The following DAG1 variants were observed in gnomAD, a reference collection of about 807,000 sequenced individuals.
The protein encoded by DAG1 is dystroglycan 1, also known as dystroglycan 1 (dystrophin-associated glycoprotein 1).
In DAG1, 8 loss-of-function variants were observed where a neutral mutation model predicts 46.1. The ratio of observed to expected loss-of-function variants is 0.17; its 90% CI spans 0.10 to 0.31. DAG1 has a LOEUF of 0.31. DAG1 is among the 10% of genes least tolerant of loss of function. The pLI, the probability that DAG1 is intolerant of heterozygous loss-of-function variation, is 1.00. For missense variants in DAG1, 1,003 were observed against 1,189.9 expected, an observed-to-expected ratio of 0.84 and a Z score of 2.31; for synonymous variants, 495 against 481.8, an observed-to-expected ratio of 1.03 and a Z score of -0.36.
In DAG1 at chr3:49,531,338, G is replaced by T. The variant is rs1261553141; in HGVS notation, c.827G>T (p.Gly276Val). Residue 276 changes from glycine (G) to valine (V), a missense_variant, in exon 3 of 3, where the codon GGT becomes GTT. Transcript: ENST00000308775. The surrounding 1 kb of genome is among the most constrained non-coding windows in gnomAD (Gnocchi z 7.0). ...LNQNSVPDIH[G>V]VEAPAREGAM... The stretch of plus-strand genomic sequence containing the variant: ...CAGAACAGTGTGCCTGACATTCATG[G>T]TGTAGAGGCCCCTGCCAGGGAGGGC... The T allele has an allele frequency of 3.7e-6, 6 of 1,614,060 alleles. No individual in the cohort carries two copies. The highest frequency in any genetic ancestry group is 1.6e-4 in the Middle Eastern group (1 of 6,084).
At position 49,510,845 on chromosome 3, in the gene DAG1, G is replaced by T. The variant is rs377157269; in HGVS notation, c.285+26G>T. ...GTGAGACTGGATATAAAGCATAAAT[G>T]AGGAAGAGTTCTCATTTTCCATTTT... is the stretch of plus-strand genomic sequence containing the variant. On this transcript the variant is annotated intron_variant, in intron 2 of 2. Transcript: ENST00000308775. 8.7e-6 allele frequency: 14 copies of T among 1,613,182 alleles called. No homozygotes were observed. In the African/African-American group the frequency reaches 1.9e-4, roughly 22 times the overall value.
chr3:49,532,604 C>T lies in DAG1; in HGVS notation c.2093C>T (p.Pro698Leu). 6.2e-7 allele frequency: 1 copy of T among 1,613,012 alleles called. No homozygotes were observed. Among genetic ancestry groups the T allele is most frequent in the East Asian group, 2.2e-5 (1 of 44,866 alleles). The change falls in exon 3 of 3, where the codon CCT (proline) becomes CTT (leucine). Residue 698 changes from proline (P) to leucine (L), a missense_variant. Physicochemically the swap from Pro to Leu is moderately conservative, Grantham distance 98. Coordinates refer to ENST00000308775, the MANE Select transcript of DAG1 (RefSeq NM_004393.6). The surrounding 1 kb of genome is among the most constrained non-coding windows in gnomAD (Gnocchi z 5.4). ...PRPAFSNALE[P>L]DFKATSITVT... ...CCTGCCTTCTCCAACGCCCTAGAGC[C>T]TGACTTTAAGGCCACAAGCATCACT...
At chr3:49,489,218 G>A (rs765778618) in intron 1 of DAG1, among the ~76,000 whole-genome samples, 1 of 151,724 alleles carries the variant, frequency 6.6e-6, no homozygotes, top group Non-Finnish European at 1.5e-5. Flanking sequence ...TCAGCCTCCC[G>A]AATAGCTGGG....
Position 49,497,919 on chromosome 3 carries a change from C to T in DAG1, c.-116-12500C>T, listed in dbSNP as rs2050357154. On this transcript the variant is annotated intron_variant, in intron 1 of 2. Coordinates refer to ENST00000308775, the MANE Select transcript of DAG1 (RefSeq NM_004393.6). ...GGTGGATTTATACCTAGGTTTTAAACCTTTGCTTCTGTCTTTGTTGGAAAA... is the reference window on the plus strand; with the variant it reads ...GGTGGATTTATACCTAGGTTTTAAATCTTTGCTTCTGTCTTTGTTGGAAAA... 2.6e-5 allele frequency among the ~76,000 whole-genome samples: 4 copies of T among 152,142 alleles called. No homozygotes were observed. In the South Asian group the frequency reaches 8.3e-4, roughly 31 times the overall value.
chr3:49,471,603 G>C (rs571234936), intron 1 of DAG1, among the ~76,000 whole-genome samples: 1 of 152,306 alleles, frequency 6.6e-6, no homozygotes, highest in Admixed American at 6.5e-5. Context: ...GGAGAAATCA[G>C]ATTTCAGTAG....
chr3:49,473,643 C>T (rs1202329761), intron 1 of DAG1, among the ~76,000 whole-genome samples: 7 of 150,674 alleles, frequency 4.6e-5, no homozygotes, highest in Non-Finnish European at 1.0e-4. Flanking sequence ...AATAAAGTGG[C>T]GTGATCTTGG....
intron 2 of DAG1, among the ~76,000 whole-genome samples, chr3:49,522,975 G>A (rs1273859885): frequency 6.6e-6 from 1 of 152,188 alleles, no homozygotes; most frequent in South Asian, 2.1e-4. Flanking sequence ...TTGGTGTTTG[G>A]TGTTGGCTGG....
chr3:49,485,287 T>G lies in DAG1; in HGVS notation c.-117+14854T>G, dbSNP rs565926565. ...ACCGCACCCGGCCAAGGACGGAGTG[T>G]TGTTCTGTCGCCCAGGCTGGAGTGC... On this transcript the variant is annotated intron_variant, in intron 1 of 2. Coordinates refer to ENST00000308775, the MANE Select transcript of DAG1 (RefSeq NM_004393.6). Among the ~76,000 whole-genome samples the G allele has an allele frequency of 2.0e-5, 3 of 152,278 alleles. No homozygotes were observed. The South Asian group carries it at 6.2e-4, about 32-fold the overall frequency.
intron 2 of DAG1, among the ~76,000 whole-genome samples, chr3:49,514,961 G>T (rs765933081): frequency 1.3e-5 from 2 of 150,908 alleles, no homozygotes; most frequent in Non-Finnish European, 3.0e-5. Flanking sequence ...CTGGGTTCAG[G>T]CTATTCTTCT....
At chr3:49,485,835 T>C (rs1035983542) in intron 1 of DAG1, among the ~76,000 whole-genome samples, 1 of 152,008 alleles carries the variant, frequency 6.6e-6, no homozygotes, top group Non-Finnish European at 1.5e-5. Flanking sequence ...TATTTTTTTT[T>C]CCTTTTGTAG....
chr3:49,497,603 GAC>G (rs2050348608), intron 1 of DAG1, among the ~76,000 whole-genome samples: 1 of 151,618 alleles, frequency 6.6e-6, no homozygotes, highest in African/African-American at 2.4e-5. Flanking sequence ...TAGATTGAGA[GAC>G]TGTCTCTCAA....
At chr3:49,528,275 A>ATT (rs147292984) in intron 2 of DAG1, among the ~76,000 whole-genome samples, 3,986 of 66,444 alleles carry the variant, frequency 0.06, 820 homozygotes, top group Non-Finnish European at 0.079. Flanking sequence ...AAATAGTGTG[A>ATT]TTTTTTTTTT....
At position 49,531,121 on chromosome 3, in the gene DAG1, C is replaced by T; in HGVS notation, c.610C>T (p.Pro204Ser). The change falls in exon 3 of 3, where the codon CCA (proline) becomes TCA (serine). Residue 204 changes from proline (P) to serine (S), a missense_variant. Coordinates refer to ENST00000308775, the MANE Select transcript of DAG1 (RefSeq NM_004393.6). The surrounding 1 kb of genome is among the most constrained non-coding windows in gnomAD (Gnocchi z 7.0). ...GGATGCCGACCTCACCAAGATGACCCCAAAGCAAAGGATTGACCTCCTGCA... is the reference window on the plus strand; with the variant it reads ...GGATGCCGACCTCACCAAGATGACCTCAAAGCAAAGGATTGACCTCCTGCA... ...ILDADLTKMT[P>S]KQRIDLLHRM... 6.2e-7 allele frequency: 1 copy of T among 1,614,160 alleles called. No individual in the cohort carries two copies. Among genetic ancestry groups the T allele is most frequent in the Non-Finnish European group, 8.5e-7 (1 of 1,180,038 alleles).
rs1287546693 is a variant in DAG1, at chr3:49,479,642, T to G, written c.-117+9209T>G. Among the ~76,000 whole-genome samples, 10 of 127,124 alleles carry G rather than the reference T, an allele frequency of 7.9e-5. 1 individual carries two copies. The highest frequency in any genetic ancestry group is 3.0e-4 in the African/African-American group (10 of 33,610). 83.4% of individuals were successfully genotyped at this position (127,124 alleles called of 152,430 possible). A position where few individuals can be genotyped will look rare whatever the true frequency, so the allele number is the denominator to read the frequency against. ...ATATAACATTTCTTTTTTTTTTTTT[T>G]TTTTTTTTTTTTTGAGACCGAGTCT... On this transcript the variant is annotated intron_variant, in intron 1 of 2. Transcript: ENST00000308775.
chr3:49,532,320 G>A lies in DAG1; in HGVS notation c.1809G>A (p.Arg603=). 6.2e-7 allele frequency: 1 copy of A among 1,614,158 alleles called. No individual in the cohort carries two copies. The highest frequency in any genetic ancestry group is 1.1e-5 in the South Asian group (1 of 91,090). Residue 603 remains arginine, a synonymous_variant, in exon 3 of 3, where the codon AGG becomes AGA. Coordinates refer to ENST00000308775, the MANE Select transcript of DAG1 (RefSeq NM_004393.6). The surrounding 1 kb of genome is among the most constrained non-coding windows in gnomAD (Gnocchi z 5.4). ...IHVHRRPQGD[R]APARFKAKFV... is the part of the protein sequence containing the mutation. ...TCCACAGGCGCCCCCAAGGGGATAG[G>A]GCTCCTGCAAGGTTCAAGGCCAAGT...
intron 1 of DAG1, among the ~76,000 whole-genome samples, chr3:49,509,499 A>T (rs2050704950): frequency 6.6e-6 from 1 of 152,090 alleles, no homozygotes; most frequent in Non-Finnish European, 1.5e-5. Context: ...ATGTTTAGGG[A>T]TGTCAGCATT....
intron 1 of DAG1, among the ~76,000 whole-genome samples, chr3:49,490,880 C>CTTTTTTTTTT (rs972440561): frequency 2.3e-5 from 2 of 87,854 alleles, no homozygotes; most frequent in Non-Finnish European, 4.3e-5. Context: ...CTCCTAAATT[C>CTTTTTTTTTT]TTTTTTTTTT....
intron 1 of DAG1, among the ~76,000 whole-genome samples, chr3:49,492,261 G>A (rs2050209734): frequency 6.6e-6 from 1 of 152,202 alleles, no homozygotes. Flanking sequence ...CAGAACTTTT[G>A]ATTTAAGATT....
At chr3:49,529,224 G>A (rs1255119603) in intron 2 of DAG1, among the ~76,000 whole-genome samples, 1 of 151,930 alleles carries the variant, frequency 6.6e-6, no homozygotes, top group African/African-American at 2.4e-5. Context: ...TAGAGATGGG[G>A]GTCTCACTGT....
Sources: allele counts gnomAD v4.1 joint callset (sites outside exome capture counted in the v4.1 genomes callset), GRCh38; gene constraint gnomAD v4.1.1; non-coding constraint Gnocchi (gnomAD v3.1); transcripts MANE v1.5; gene names NCBI Gene and HGNC (gene_info 2026-07-23, HGNC 2026-07-21).